The following NME7 variants were observed in gnomAD, a reference collection of about 807,000 sequenced individuals.
NME7 encodes the protein nucleoside diphosphate kinase 7.
In NME7, 41 loss-of-function variants were observed where a neutral mutation model predicts 49.1. The observed-to-expected ratio is 0.83, with a 90% confidence interval of 0.65 to 1.08. NME7 has a LOEUF of 1.08. NME7 is among the 50% of genes least tolerant of loss of function. The pLI is 0.00. For synonymous variants in NME7, 139 were observed against 150.6 expected (o/e 0.92, Z 0.56); for missense variants, 423 against 463.4 (o/e 0.91, Z 0.80).
At chr1:169,152,934 T>C (rs1658952374) in intron 11 of NME7, among the ~76,000 whole-genome samples, 1 of 152,190 alleles carries the variant, frequency 6.6e-6, no homozygotes. Context: ...ATCCAGCATT[T>C]ACAGCAAACA....
chr1:169,216,876 T>C (rs1660986383), intron 10 of NME7, among the ~76,000 whole-genome samples: 1 of 152,228 alleles, frequency 6.6e-6, no homozygotes, highest in Admixed American at 6.5e-5. Context: ...GTCTTTTCTG[T>C]TGACTGTTGT....
intron 7 of NME7, among the ~76,000 whole-genome samples, chr1:169,241,172 T>C (rs1051232206): frequency 2.6e-5 from 4 of 152,132 alleles, no homozygotes; most frequent in African/African-American, 4.8e-5. Context: ...TAAAAAGACC[T>C]ATATTTGAGG....
intron 3 of NME7, among the ~76,000 whole-genome samples, chr1:169,318,318 T>C (rs1651729549): frequency 6.6e-6 from 1 of 152,174 alleles, no homozygotes; most frequent in Non-Finnish European, 1.5e-5. Context: ...CTTCATCAGT[T>C]AGTAATTTGG....
At chr1:169,198,495 G>A (rs1660452261) in intron 10 of NME7, among the ~76,000 whole-genome samples, 1 of 151,978 alleles carries the variant, frequency 6.6e-6, no homozygotes, top group Non-Finnish European at 1.5e-5. Context: ...ACAAAATCTG[G>A]TATATCCATA....
intron 10 of NME7, among the ~76,000 whole-genome samples, chr1:169,176,778 C>A (rs1472415200): frequency 6.6e-6 from 1 of 151,910 alleles, no homozygotes; most frequent in East Asian, 1.9e-4. Context: ...ATGAGCTCAA[C>A]TAAAAAAGAA....
At chr1:169,183,433 C>T (rs1197469400) in intron 10 of NME7, among the ~76,000 whole-genome samples, 1 of 152,156 alleles carries the variant, frequency 6.6e-6, no homozygotes. Flanking sequence ...GCAAGACTCC[C>T]ATTTATAAAG....
At chr1:169,296,477 T>C (rs1650712716) in intron 6 of NME7, among the ~76,000 whole-genome samples, 1 of 152,140 alleles carries the variant, frequency 6.6e-6, no homozygotes, top group South Asian at 2.1e-4. Context: ...CCTTACCTTT[T>C]ATCAAGATGT....
intron 10 of NME7, among the ~76,000 whole-genome samples, chr1:169,225,605 A>G (rs1257514606): frequency 6.6e-6 from 1 of 152,210 alleles, no homozygotes; most frequent in African/African-American, 2.4e-5. Flanking sequence ...CAGTCTTATC[A>G]GTCCACACAT....
intron 1 of NME7, among the ~76,000 whole-genome samples, chr1:169,352,912 A>G (rs1022210791): frequency 8.5e-5 from 13 of 152,174 alleles, no homozygotes; most frequent in South Asian, 2.1e-4. Context: ...AAAAGCCACT[A>G]AAAAATTGAA....
Position 169,262,758 on chromosome 1 carries a change from C to T in NME7, c.754+24545G>A, listed in dbSNP as rs147287485. The stretch of plus-strand genomic sequence containing the variant: ...CATGCAAGACTGAGAAGGAGAGAAT[C>T]AACCTGGCTTCCCCACAATTCCCCA... On this transcript the variant is annotated intron_variant, in intron 7 of 11. Coordinates refer to ENST00000367811, the MANE Select transcript of NME7 (RefSeq NM_013330.5). 9.7e-5 allele frequency among the ~76,000 whole-genome samples: 13 copies of T among 133,864 alleles called. 4 individuals carry two copies. Among genetic ancestry groups the T allele is most frequent in the Non-Finnish European group, 2.1e-4 (12 of 56,842 alleles). 87.8% of individuals were successfully genotyped at this position (133,864 alleles called of 152,430 possible).
intron 7 of NME7, among the ~76,000 whole-genome samples, chr1:169,239,529 A>G (rs1378788469): frequency 6.6e-6 from 1 of 152,054 alleles, no homozygotes; most frequent in Admixed American, 6.6e-5. Context: ...TGGACATAGA[A>G]ACCCAAAACA....
chr1:169,156,018 G>A (rs75129458), intron 11 of NME7, among the ~76,000 whole-genome samples: 9,359 of 152,018 alleles, frequency 0.062, 1,182 homozygotes, highest in East Asian at 0.6. Flanking sequence ...CCAGCAATCC[G>A]TATTTTTAAA....
intron 10 of NME7, among the ~76,000 whole-genome samples, chr1:169,211,966 CTT>C (rs1660834415): frequency 6.6e-6 from 1 of 152,058 alleles, no homozygotes; most frequent in African/African-American, 2.4e-5. Flanking sequence ...TTGTTACTCT[CTT>C]ACTAGGTTGC....
chr1:169,134,424 T>C (rs1658359450), intron 11 of NME7, among the ~76,000 whole-genome samples: 1 of 152,226 alleles, frequency 6.6e-6, no homozygotes, highest in Non-Finnish European at 1.5e-5. Context: ...ACACAAGTCC[T>C]GTCAAATACT....
At chr1:169,294,748 C>A (rs1226719666) in intron 6 of NME7, among the ~76,000 whole-genome samples, 1 of 152,030 alleles carries the variant, frequency 6.6e-6, no homozygotes, top group Non-Finnish European at 1.5e-5. Flanking sequence ...GAACTAATGG[C>A]AGAAAGAGGT....
intron 10 of NME7, among the ~76,000 whole-genome samples, chr1:169,205,229 C>T (rs1660641416): frequency 6.6e-6 from 1 of 152,086 alleles, no homozygotes; most frequent in Admixed American, 6.6e-5. Context: ...GAGTCAGTGT[C>T]AATTGTTTTC....
In NME7 at chr1:169,271,791, CCTATA is replaced by C. The variant is rs374733939; in HGVS notation, c.754+15507_754+15511del. The stretch of plus-strand genomic sequence containing the variant: ...AAAATAAAAATAAAAATCTTTCATG[CCTATA>C]CTATATTACAGGTAATATTAAATAT... On this transcript the variant is annotated intron_variant, in intron 7 of 11. Coordinates refer to ENST00000367811, the MANE Select transcript of NME7 (RefSeq NM_013330.5). 7.7e-3 allele frequency among the ~76,000 whole-genome samples: 1,017 copies of C among 132,116 alleles called. 122 individuals carry two copies. The highest frequency in any genetic ancestry group is 0.024 in the African/African-American group (959 of 39,246). 86.7% of individuals were successfully genotyped at this position (132,116 alleles called of 152,430 possible).
chr1:169,287,234 A>G, intron 7 of NME7, 69 bp downstream of exon 7: 2 of 1,226,716 alleles, frequency 1.6e-6, no homozygotes, highest in Non-Finnish European at 2.4e-6. Flanking sequence ...CTATACATAA[A>G]GTACATCAAG....
intron 3 of NME7, among the ~76,000 whole-genome samples, 187 bp from the exon 4 acceptor site, chr1:169,310,267 A>G (rs1176142568): frequency 1.3e-5 from 2 of 152,158 alleles, no homozygotes; most frequent in Admixed American, 1.3e-4. Context: ...TTTTCCCATG[A>G]ACATCAAAAT....
Sources: gnomAD v4.1 joint callset for allele counts (sites outside exome capture counted in the v4.1 genomes callset) on GRCh38, gnomAD v4.1.1 for gene constraint, MANE v1.5 for transcripts, NCBI Gene and HGNC (gene_info 2026-07-23, HGNC 2026-07-21) for gene names.